The following RIMBP2 variants were observed in gnomAD, a reference collection of about 807,000 sequenced individuals.
RIMBP2 encodes the protein RIMS binding protein 2.
RIMBP2 carries 48 observed loss-of-function variants against 118.6 expected under a neutral mutation model. That is an observed-to-expected ratio of 0.40 (90% CI 0.32 to 0.51). The LOEUF is 0.51. RIMBP2 is among the 20% of genes least tolerant of loss of function. The probability of loss-of-function intolerance (pLI) is 0.41; values close to 1 mark genes in which losing one functional copy is unlikely to be tolerated. For missense variants in RIMBP2, 1,551 were observed against 1,768.3 expected (o/e 0.88, Z 2.20); for synonymous variants, 762 against 742.9 (o/e 1.03, Z -0.42).
At chr12:130,438,335 A>AACCTCCCCC in intron 12 of RIMBP2, 30 bp downstream of exon 12, 1 of 865,014 alleles carries the variant, frequency 1.2e-6, no homozygotes, top group Non-Finnish European at 1.9e-6. Flanking sequence ...GGCCTAACAA[A>AACCTCCCCC]CCCTCCCCAC....
intron 11 of RIMBP2, among the ~76,000 whole-genome samples, chr12:130,440,018 C>T (rs1430135741): frequency 1.3e-5 from 2 of 151,804 alleles, no homozygotes; most frequent in South Asian, 2.1e-4. Context: ...GTATCTCCCA[C>T]CAGCTGTGTT....
chr12:130,402,360 C>T (rs953996022), intron 21 of RIMBP2, among the ~76,000 whole-genome samples: 3 of 152,112 alleles, frequency 2.0e-5, no homozygotes, highest in African/African-American at 4.8e-5. Flanking sequence ...CCCCAGACGA[C>T]ATTCTCTGTC....
rs565868739 is a variant in RIMBP2 at position 130,621,718 on chromosome 12, G to C, written c.-217+6604C>G. 2.0e-4 allele frequency among the ~76,000 whole-genome samples: 31 copies of C among 152,294 alleles called. No individual in the cohort carries two copies. The highest frequency in any genetic ancestry group is 7.2e-4 in the African/African-American group (30 of 41,550). ...GTTTACCAAGAGACACGAGTGAAAT[G>C]GATGATACCGAGACCTGGGTACCAT... is the stretch of plus-strand genomic sequence containing the variant. On this transcript the variant is annotated intron_variant, in intron 2 of 22. Transcript: ENST00000690449. This position sits in a 1 kb window ranked among gnomAD's most constrained non-coding sequence, Gnocchi z 6.6.
chr12:130,471,055 C>T lies in RIMBP2; in HGVS notation c.103-312G>A, dbSNP rs115829796. On this transcript the variant is annotated intron_variant, in intron 5 of 22. Transcript: ENST00000690449. ...CAGCACCTTCATCTGCCCAAACATC[C>T]GACGAACTGCTTTGGAAACAAAACC... Among the ~76,000 whole-genome samples, 1,287 of 152,280 alleles carry T rather than the reference C, an allele frequency of 8.5e-3. 18 individuals carry two copies. Among genetic ancestry groups the T allele is most frequent in the African/African-American group, 0.024 (1,010 of 41,550 alleles).
intron 1 of RIMBP2, among the ~76,000 whole-genome samples, chr12:130,682,873 CA>C (rs1440019685): frequency 6.6e-6 from 1 of 152,264 alleles, no homozygotes; most frequent in Non-Finnish European, 1.5e-5. Context: ...AGATTGTTCA[CA>C]TCCAAGTATT....
chr12:130,643,222 C>T (rs754874997), intron 1 of RIMBP2, among the ~76,000 whole-genome samples: 2 of 152,340 alleles, frequency 1.3e-5, no homozygotes, highest in South Asian at 2.1e-4. Flanking sequence ...GCCTGTGGAA[C>T]GCAGGGAGCT....
At chr12:130,522,765 C>G (rs78760396) in intron 2 of RIMBP2, among the ~76,000 whole-genome samples, 17,465 of 152,070 alleles carry the variant, frequency 0.11, 1,073 homozygotes, top group East Asian at 0.2. Context: ...CTGAGGCTGT[C>G]TCCCTGCCTG....
intron 1 of RIMBP2, among the ~76,000 whole-genome samples, chr12:130,709,964 C>A (rs772908927): frequency 6.6e-6 from 1 of 152,122 alleles, no homozygotes; most frequent in African/African-American, 2.4e-5. Context: ...GAGGACCTTC[C>A]ACCCAAAGGG....
At position 130,442,454 on chromosome 12, in the gene RIMBP2, C is replaced by A. The variant is rs375328741; in HGVS notation, c.898G>T (p.Gly300Trp). Residue 300 changes from glycine to tryptophan, a missense_variant, in exon 11 of 23, where the codon GGG (glycine) becomes TGG (tryptophan). Gly to Trp is a radical substitution (Grantham distance 184). Transcript: ENST00000690449. This position sits in a 1 kb window ranked among gnomAD's most constrained non-coding sequence, Gnocchi z 6.9. ...TCGTCGATGTTCACGTCCAGGGTCC[C>A]GGCACTGTTGTCGGTGATGCCCGCA... ...IDAGITDNSA[G>W]TLDVNIDDIG... 1.2e-6 allele frequency: 2 copies of A among 1,614,048 alleles called. No individual in the cohort carries two copies. Among genetic ancestry groups the A allele is most frequent in the South Asian group, 2.2e-5 (2 of 91,076 alleles).
Position 130,450,138 on chromosome 12 carries a change from GACCC to G in RIMBP2, c.581+58_581+61del. On this transcript the variant is annotated intron_variant, in intron 9 of 22. Coordinates refer to ENST00000690449, the MANE Select transcript of RIMBP2 (RefSeq NM_001393629.1). The surrounding 1 kb of genome is among the most constrained non-coding windows in gnomAD (Gnocchi z 4.8). Reference sequence around the variant, plus strand: ...CTTCTCAGACCCCAGAGTGTTCCCAGACCCAACATCTCATCTGCCCCACTCACAG... The same window carrying G: ...CTTCTCAGACCCCAGAGTGTTCCCAGAACATCTCATCTGCCCCACTCACAG... 9.2e-7 allele frequency: 1 copy of G among 1,085,626 alleles called. No individual in the cohort carries two copies. The highest frequency in any genetic ancestry group is 1.4e-6 in the Non-Finnish European group (1 of 722,508). The allele number at this position is 1,085,626 out of a possible 1,614,324, so 67.2% of individuals were successfully genotyped here. A position where few individuals can be genotyped will look rare whatever the true frequency, so the allele number is the denominator to read the frequency against.
At chr12:130,669,948 T>C (rs556474411) in intron 1 of RIMBP2, among the ~76,000 whole-genome samples, 1 of 152,270 alleles carries the variant, frequency 6.6e-6, no homozygotes, top group South Asian at 2.1e-4. Context: ...AACCTAAGAA[T>C]GTCGCCTTAT....
intron 6 of RIMBP2, 127 bp from the exon 7 acceptor site, chr12:130,456,827 G>A: frequency 3.0e-6 from 2 of 666,354 alleles, no homozygotes; most frequent in South Asian, 4.1e-5. Flanking sequence ...CACGTGTTGT[G>A]TCTGTGAAAA....
chr12:130,618,024 T>TTTACCAAAAAAAAAAACAAAAA (rs71088771), intron 2 of RIMBP2, among the ~76,000 whole-genome samples: 1 of 65,826 alleles, frequency 1.5e-5, no homozygotes, highest in African/African-American at 5.5e-5. Context: ...AGACCTCTTC[T>TTTACCAAAAAAAAAAACAAAAA]AAAAAAAAAA....
At chr12:130,532,405 T>G (rs74815852) in intron 2 of RIMBP2, among the ~76,000 whole-genome samples, 414 of 96,176 alleles carry the variant, frequency 4.3e-3, no homozygotes, top group Middle Eastern at 0.032. Context: ...CCTCTAGGAG[T>G]TACGTCTAAT....
intron 6 of RIMBP2, chr12:130,470,439 G>A (rs1566095725): frequency 8.2e-6 from 3 of 363,692 alleles, no homozygotes. Context: ...ACACAGTTCT[G>A]GGTCTGGATG....
At chr12:130,697,854 G>A (rs79611566) in intron 1 of RIMBP2, among the ~76,000 whole-genome samples, 6,454 of 152,264 alleles carry the variant, frequency 0.042, 142 homozygotes, top group Middle Eastern at 0.11. Flanking sequence ...TGGAAAGAAG[G>A]GCGAGTGTTG....
intron 1 of RIMBP2, among the ~76,000 whole-genome samples, chr12:130,662,605 A>C (rs1292626952): frequency 6.6e-6 from 1 of 152,050 alleles, no homozygotes; most frequent in African/African-American, 2.4e-5. Flanking sequence ...GCAGTGAGCC[A>C]AGATCACACC....
intron 1 of RIMBP2, among the ~76,000 whole-genome samples, chr12:130,677,202 C>T (rs2064532484): frequency 6.6e-6 from 1 of 152,134 alleles, no homozygotes; most frequent in Non-Finnish European, 1.5e-5. Context: ...AGGAGCATGG[C>T]AGCCCCCTAC....
chr12:130,532,961 G>C (rs376534596), intron 2 of RIMBP2, among the ~76,000 whole-genome samples: 1 of 104,098 alleles, frequency 9.6e-6, no homozygotes, highest in Admixed American at 1.0e-4. Flanking sequence ...ATGCGTGTGT[G>C]TAGCCTCTAG....
Sources: gnomAD v4.1 joint callset for allele counts (sites outside exome capture counted in the v4.1 genomes callset) on GRCh38, gnomAD v4.1.1 for gene constraint, Gnocchi (gnomAD v3.1) non-coding constraint, MANE v1.5 for transcripts, NCBI Gene and HGNC (gene_info 2026-07-23, HGNC 2026-07-21) for gene names.